Variants in SMG9 observed in about 807,000 individuals in gnomAD.
SMG9 encodes the protein nonsense-mediated mRNA decay factor SMG9.
Under a neutral mutation model 64.0 loss-of-function variants are expected in SMG9, and 55 were observed. The ratio of observed to expected loss-of-function variants is 0.86; its 90% confidence interval spans 0.69 to 1.08. The LOEUF is 1.08. Ranked by LOEUF, SMG9 falls within the 50% of genes least tolerant of loss-of-function variation. The probability of loss-of-function intolerance (pLI) is 0.00; values close to 1 mark genes in which losing one functional copy is unlikely to be tolerated. For synonymous variants in SMG9, 244 were observed against 254.8 expected (o/e 0.96, Z 0.41); for missense variants, 554 against 681.3 (o/e 0.81, Z 2.08).
Position 43,733,726 on chromosome 19 carries a change from CAAG to C in SMG9, c.1107_1109del (p.Phe369del), listed in dbSNP as rs1339432595. ...AGTCCTCTCGGCGAGCTTTGTTCTG[CAAG>C]AAGACTGAGGGTGGGAAGAGACGGG... On this transcript the variant is annotated inframe_deletion, in exon 11 of 14. Coordinates refer to ENST00000270066, the MANE Select transcript of SMG9 (RefSeq NM_019108.4). 3 of 1,613,870 alleles carry C rather than the reference CAAG, an allele frequency of 1.9e-6. No individual in the cohort carries two copies. Among genetic ancestry groups the C allele is most frequent in the Admixed American group, 1.7e-5 (1 of 59,990 alleles).
chr19:43,745,893 C>T (rs550649687), intron 5 of SMG9, among the ~76,000 whole-genome samples: 247 of 152,146 alleles, frequency 1.6e-3, no homozygotes, highest in African/African-American at 5.2e-3. Flanking sequence ...CCCAGCTACT[C>T]GGAAGGCTGA....
rs1384908780 is a variant in SMG9, at chr19:43,754,190, CTGAG to C, written c.-7+460_-7+463del. Among the ~76,000 whole-genome samples the C allele has an allele frequency of 3.9e-5, 6 of 152,296 alleles. No homozygotes were observed. The East Asian group carries it at 1.2e-3, about 29-fold the overall frequency. On this transcript the variant is annotated intron_variant, in intron 1 of 13. Coordinates refer to ENST00000270066, the MANE Select transcript of SMG9 (RefSeq NM_019108.4). Reference sequence around the variant, plus strand: ...ATATTTGGGGAGACTCTCCCGATTCCTGAGTATGTAAGCCCACTTCGTGGGGCAC... The same window carrying C: ...ATATTTGGGGAGACTCTCCCGATTCCTATGTAAGCCCACTTCGTGGGGCAC...
chr19:43,748,142 T>C (rs941555387), intron 2 of SMG9, 90 bp from the exon 3 acceptor site: 18 of 1,428,762 alleles, frequency 1.3e-5, no homozygotes, highest in South Asian at 4.2e-5. Context: ...TGCCGAAATA[T>C]ATTAACTACC....
intron 6 of SMG9, 55 bp downstream of exon 6, chr19:43,744,717 C>G: frequency 7.2e-7 from 1 of 1,387,110 alleles, no homozygotes. Context: ...CCACCTTGCC[C>G]CTGCTCCCAG....
Position 43,728,901 on chromosome 19 carries a change from G to T in SMG9, c.*2695C>A. 1.3e-6 allele frequency: 1 copy of T among 775,994 alleles called. No homozygotes were observed. Among genetic ancestry groups the T allele is most frequent in the Non-Finnish European group, 1.6e-6 (1 of 638,712 alleles). The allele number at this position is 775,994 out of a possible 1,614,324, so 48.1% of individuals were successfully genotyped here. ...AGCGTGAGTTCCACCTGCTGGGAAT[G>T]ATGAAGGGACTGGAGAGCCACAAGC... On this transcript the variant is annotated 3_prime_UTR_variant, in exon 14 of 14. Transcript: ENST00000270066.
chr19:43,747,926 G>A (rs1969073940), intron 3 of SMG9, 29 bp from the exon 4 acceptor site: 2 of 1,613,976 alleles, frequency 1.2e-6, no homozygotes, highest in Non-Finnish European at 1.7e-6. Flanking sequence ...TCCCATCAAT[G>A]GGGGCAATCC....
intron 11 of SMG9, 26 bp from the exon 12 acceptor site, chr19:43,733,478 C>T: frequency 5.0e-6 from 8 of 1,613,582 alleles, no homozygotes; most frequent in Non-Finnish European, 4.2e-6. Flanking sequence ...CTTCAGCCTT[C>T]AGGTACCATG....
intron 2 of SMG9, among the ~76,000 whole-genome samples, chr19:43,748,464 T>TA (rs2146403586): frequency 6.6e-6 from 1 of 152,238 alleles, no homozygotes; most frequent in African/African-American, 2.4e-5. Flanking sequence ...TGTGAGTGGG[T>TA]ATGGGAATTC....
chr19:43,748,805 C>T (rs752693208), intron 2 of SMG9: 6 of 520,048 alleles, frequency 1.2e-5, no homozygotes, highest in Non-Finnish European at 2.3e-5. Flanking sequence ...ACTGAGGACA[C>T]TTACTTAAAC....
chr19:43,750,794 C>T, intron 1 of SMG9, 47 bp from the exon 2 acceptor site: 1 of 1,544,900 alleles, frequency 6.5e-7, no homozygotes, highest in Non-Finnish European at 8.8e-7. Context: ...TCTCTTCCTA[C>T]TCTACTTGGC....
At position 43,747,651 on chromosome 19, in the gene SMG9, C is replaced by T. The variant is rs779158930; in HGVS notation, c.472G>A (p.Ala158Thr). 112 of 1,613,270 alleles carry T rather than the reference C, an allele frequency of 6.9e-5. No homozygotes were observed. Among genetic ancestry groups the T allele is most frequent in the Admixed American group, 1.0e-4 (6 of 59,916 alleles). ...AACTCACGGTCCATGGCTGCTGGTG[C>T]GGCAGTGCCCATGCCCCGGTTCTGG... ...QIQNRGMGTA[A>T]PAAMDPVVGQ... Residue 158 changes from alanine (A) to threonine (T), a missense_variant, in exon 4 of 14, where the codon GCA becomes ACA. Transcript: ENST00000270066.
chr19:43,737,163 C>T (rs1386077699), intron 9 of SMG9, among the ~76,000 whole-genome samples: 1 of 152,148 alleles, frequency 6.6e-6, no homozygotes, highest in African/African-American at 2.4e-5. Flanking sequence ...ATCCCAGCTA[C>T]TCGGGAGGCT....
chr19:43,737,769 G>T, intron 8 of SMG9, 87 bp from the exon 9 acceptor site: 2 of 1,345,116 alleles, frequency 1.5e-6, no homozygotes, highest in Non-Finnish European at 2.1e-6. Flanking sequence ...CAGTTCAGGA[G>T]GCAGCAAGGC....
rs886475725 is a variant in SMG9 at position 43,739,972 on chromosome 19, C to T, written c.813+135G>A. 5 of 690,084 alleles carry T rather than the reference C, an allele frequency of 7.2e-6. No homozygotes were observed. In the African/African-American group the frequency reaches 8.9e-5, roughly 12 times the overall value. 42.7% of individuals were successfully genotyped at this position (690,084 alleles called of 1,614,324 possible). On this transcript the variant is annotated intron_variant, in intron 7 of 13. Coordinates refer to ENST00000270066, the MANE Select transcript of SMG9 (RefSeq NM_019108.4). ...AGGGCCAAGAAAAGACACAATTTGC[C>T]CCAGGGCAGCCAGTATGTCCATGGC...
In SMG9 at chr19:43,728,254, C is replaced by G. The variant is rs571602077; in HGVS notation, c.*3342G>C. The G allele has an allele frequency of 1.6e-4, 24 of 152,316 alleles. No individual in the cohort carries two copies. The highest frequency in any genetic ancestry group is 5.3e-4 in the African/African-American group (22 of 41,550). 9.4% of individuals were successfully genotyped at this position (152,316 alleles called of 1,614,324 possible). A position where few individuals can be genotyped will look rare whatever the true frequency, so the allele number is the denominator to read the frequency against. On this transcript the variant is annotated 3_prime_UTR_variant, in exon 14 of 14. Transcript: ENST00000270066. ...GTTTCTCATGGTTCAGCGCCAGCCC[C>G]TTGGTACTGTCCTCACAATAGTGAA...
rs147454511 is a variant in SMG9 at position 43,738,297 on chromosome 19, G to T, written c.814-80C>A. ...AAGGCAAATACATTGTCTATCTCAG[G>T]ACAAAACAAGGTCAGAAACAAAGGC... On this transcript the variant is annotated intron_variant, in intron 7 of 13. Coordinates refer to ENST00000270066, the MANE Select transcript of SMG9 (RefSeq NM_019108.4). The T allele has an allele frequency of 3.2e-6, 4 of 1,267,064 alleles. No individual in the cohort carries two copies. The East Asian group carries it at 9.4e-5, about 30-fold the overall frequency. 78.5% of individuals were successfully genotyped at this position (1,267,064 alleles called of 1,614,324 possible). A position where few individuals can be genotyped will look rare whatever the true frequency, so the allele number is the denominator to read the frequency against.
rs1424114541 is a variant in SMG9 at position 43,731,074 on chromosome 19, G to C, written c.*522C>G. 1 of 976,260 alleles carries C rather than the reference G, an allele frequency of 1.0e-6. No individual in the cohort carries two copies. Among genetic ancestry groups the C allele is most frequent in the Non-Finnish European group, 1.2e-6 (1 of 821,520 alleles). 60.5% of individuals were successfully genotyped at this position (976,260 alleles called of 1,614,324 possible). On this transcript the variant is annotated 3_prime_UTR_variant, in exon 14 of 14. Transcript: ENST00000270066. ...AGCAGAGACTGATCTCCATCTGCCC[G>C]CAAGGGCTGGGTGTCCAATTTGTCC... is the stretch of plus-strand genomic sequence containing the variant.
intron 6 of SMG9, among the ~76,000 whole-genome samples, chr19:43,741,409 G>A (rs1030807705): frequency 1.3e-5 from 2 of 152,216 alleles, no homozygotes; most frequent in East Asian, 1.9e-4. Context: ...TGTGGGAGGG[G>A]AGGGAGCAAG....
intron 13 of SMG9, 46 bp from the exon 14 acceptor site, chr19:43,731,720 C>A (rs372616673): frequency 1.7e-5 from 28 of 1,612,784 alleles, no homozygotes; most frequent in Admixed American, 1.5e-4. Context: ...GGGCTCCCCC[C>A]AGCCCAGCAC....
Sources: gnomAD v4.1 joint callset for allele counts (sites outside exome capture counted in the v4.1 genomes callset) on GRCh38, gnomAD v4.1.1 for gene constraint, MANE v1.5 for transcripts, NCBI Gene and HGNC (gene_info 2026-07-23, HGNC 2026-07-21) for gene names.